The following WDR70 variants were observed in gnomAD, a reference collection of about 807,000 sequenced individuals.
WDR70 encodes WD repeat domain 70.
A neutral mutation model predicts 88.6 loss-of-function variants in WDR70; 53 were observed. That is an observed-to-expected ratio of 0.60 (90% CI 0.48 to 0.75). The LOEUF is 0.75. Ranked by LOEUF, WDR70 falls within the 30% of genes least tolerant of loss-of-function variation. WDR70 has a pLI of 0.00. For synonymous variants in WDR70, 280 were observed against 270.0 expected (o/e 1.04, Z -0.36); for missense variants, 610 against 823.2 (o/e 0.74, Z 3.17).
chr5:37,622,904 A>G (rs527426222), intron 10 of WDR70, among the ~76,000 whole-genome samples: 165 of 152,308 alleles, frequency 1.1e-3, no homozygotes, highest in African/African-American at 3.9e-3. Flanking sequence ...TAAAAAAAGA[A>G]ACATTCTAAC....
intron 9 of WDR70, among the ~76,000 whole-genome samples, chr5:37,533,457 T>TCACCACCACCACCACCAC (rs35578229): frequency 9.2e-5 from 13 of 141,280 alleles, no homozygotes; most frequent in African/African-American, 3.3e-4. Context: ...AACAAAACAA[T>TCACCACCACCACCACCAC]CACCACCACC....
Position 37,417,678 on chromosome 5 carries a change from G to T in WDR70, c.493-20244G>T, listed in dbSNP as rs193021419. On this transcript the variant is annotated intron_variant, in intron 5 of 17. Coordinates refer to ENST00000265107, the MANE Select transcript of WDR70 (RefSeq NM_018034.4). ...CTCAGCCTTCTGAGTGGCTGAGACT[G>T]CAGGCGTGCACCCCCATGCCGAGCT... 1.2e-3 allele frequency among the ~76,000 whole-genome samples: 176 copies of T among 152,164 alleles called. 1 individual carries two copies. Among genetic ancestry groups the T allele is most frequent in the Non-Finnish European group, 1.2e-4 (8 of 68,002 alleles).
intron 9 of WDR70, among the ~76,000 whole-genome samples, chr5:37,583,407 C>G (rs1743274440): frequency 7.3e-6 from 1 of 137,204 alleles, no homozygotes; most frequent in East Asian, 2.1e-4. Context: ...GGTGACAGAG[C>G]AAGACTCTGT....
At chr5:37,610,664 A>G (rs891285873) in intron 10 of WDR70, among the ~76,000 whole-genome samples, 5 of 152,192 alleles carry the variant, frequency 3.3e-5, no homozygotes, top group African/African-American at 7.2e-5. Flanking sequence ...ATTTAAACCT[A>G]TAAGTAGTTT....
At chr5:37,413,594 G>T (rs987686533) in intron 5 of WDR70, among the ~76,000 whole-genome samples, 3 of 151,832 alleles carry the variant, frequency 2.0e-5, no homozygotes, top group African/African-American at 7.3e-5. Flanking sequence ...GGTGGCGTGT[G>T]CCTGTGATCC....
intron 10 of WDR70, among the ~76,000 whole-genome samples, chr5:37,669,273 G>A (rs1184356256): frequency 6.6e-6 from 1 of 151,824 alleles, no homozygotes; most frequent in Non-Finnish European, 1.5e-5. Flanking sequence ...GATGCTGAAT[G>A]GACTTTTCAG....
chr5:37,589,529 C>G (rs1162642062), intron 9 of WDR70, among the ~76,000 whole-genome samples: 1 of 152,012 alleles, frequency 6.6e-6, no homozygotes, highest in Non-Finnish European at 1.5e-5. Flanking sequence ...ATGTAGCATT[C>G]TTTCCCTTCT....
chr5:37,486,228 C>G (rs1485706177), intron 8 of WDR70, among the ~76,000 whole-genome samples: 1 of 152,120 alleles, frequency 6.6e-6, no homozygotes, highest in Non-Finnish European at 1.5e-5. Flanking sequence ...TCAGACTGCT[C>G]TATGTTAAAC....
Position 37,628,485 on chromosome 5 carries a change from A to G in WDR70, c.1092+23247A>G, listed in dbSNP as rs1171576493. Among the ~76,000 whole-genome samples the G allele has an allele frequency of 3.3e-5, 5 of 152,192 alleles. No individual in the cohort carries two copies. In the East Asian group the frequency reaches 9.7e-4, roughly 29 times the overall value. On this transcript the variant is annotated intron_variant, in intron 10 of 17. Transcript: ENST00000265107. ...ATATAACGTACTTTTTTGTCACTTT[A>G]TAGCTTTTAACTTGAAGTCTATTTT...
intron 5 of WDR70, among the ~76,000 whole-genome samples, chr5:37,416,242 A>T (rs1004917330): frequency 1.3e-5 from 2 of 152,074 alleles, no homozygotes; most frequent in African/African-American, 4.8e-5. Context: ...AGTGAACGAG[A>T]CTCCGTCTGC....
At chr5:37,737,484 TG>T (rs763932760) in intron 17 of WDR70, among the ~76,000 whole-genome samples, 7 of 152,174 alleles carry the variant, frequency 4.6e-5, no homozygotes, top group Non-Finnish European at 1.0e-4. Flanking sequence ...GAGGGAACAC[TG>T]GACTAAGAAT....
intron 7 of WDR70, among the ~76,000 whole-genome samples, chr5:37,470,604 C>T (rs946235504): frequency 6.6e-6 from 1 of 152,160 alleles, no homozygotes; most frequent in African/African-American, 2.4e-5. Flanking sequence ...TGTCTGGCTT[C>T]TTTCACTTGA....
chr5:37,475,063 C>G (rs571640054), intron 7 of WDR70, among the ~76,000 whole-genome samples: 1 of 151,888 alleles, frequency 6.6e-6, no homozygotes, highest in Non-Finnish European at 1.5e-5. Context: ...GGATTACAAG[C>G]GTGCGCTACC....
chr5:37,603,671 T>C (rs1028043032), intron 9 of WDR70, among the ~76,000 whole-genome samples: 14 of 152,262 alleles, frequency 9.2e-5, no homozygotes, highest in African/African-American at 3.4e-4. Context: ...AGACCATTTC[T>C]AATTAATTTT....
intron 9 of WDR70, among the ~76,000 whole-genome samples, chr5:37,560,632 A>C (rs1276762134): frequency 6.6e-6 from 1 of 152,208 alleles, no homozygotes; most frequent in Non-Finnish European, 1.5e-5. Flanking sequence ...CCAAATTATA[A>C]ATGAGCCTAT....
chr5:37,663,811 C>T (rs185366052), intron 10 of WDR70, among the ~76,000 whole-genome samples: 56 of 152,272 alleles, frequency 3.7e-4, no homozygotes, highest in African/African-American at 1.2e-3. Context: ...CTTCCACCTG[C>T]GTGCCTGATT....
In WDR70 at chr5:37,752,355, T is replaced by C; in HGVS notation, c.1878-131T>C. ...ATCTTTTTCTTTGCCAGAAGTTTAA[T>C]GATTTATATTTAATAATTGAGTTGT... On this transcript the variant is annotated intron_variant, in intron 17 of 17. Coordinates refer to ENST00000265107, the MANE Select transcript of WDR70 (RefSeq NM_018034.4). 4.9e-6 allele frequency: 3 copies of C among 617,524 alleles called. No individual in the cohort carries two copies. The East Asian group carries it at 8.5e-5, about 18-fold the overall frequency. 38.3% of individuals were successfully genotyped at this position (617,524 alleles called of 1,614,324 possible).
At chr5:37,490,589 C>T (rs1226937783) in intron 8 of WDR70, among the ~76,000 whole-genome samples, 1 of 151,852 alleles carries the variant, frequency 6.6e-6, no homozygotes, top group African/African-American at 2.4e-5. Flanking sequence ...TGGTACCTGC[C>T]CCAGGCAGGT....
intron 9 of WDR70, among the ~76,000 whole-genome samples, chr5:37,524,218 G>A (rs541822483): frequency 6.6e-6 from 1 of 152,252 alleles, no homozygotes; most frequent in East Asian, 1.9e-4. Flanking sequence ...AAATATTAAG[G>A]GCAGCCAGAG....
Sources: gnomAD v4.1 joint callset for allele counts (sites outside exome capture counted in the v4.1 genomes callset) on GRCh38, gnomAD v4.1.1 for gene constraint, MANE v1.5 for transcripts, NCBI Gene and HGNC (gene_info 2026-07-23, HGNC 2026-07-21) for gene names.